The following CDH8 variants were observed in gnomAD, a reference collection of about 807,000 sequenced individuals.
The protein encoded by CDH8 is cadherin 8.
In CDH8, 17 loss-of-function variants were observed where a neutral mutation model predicts 68.1. That is an observed-to-expected ratio of 0.25 (90% CI 0.17 to 0.37). The LOEUF (loss-of-function observed/expected upper bound fraction) is 0.37. CDH8 is among the 10% of genes least tolerant of loss of function. The pLI is 1.00. For synonymous variants in CDH8, 372 were observed against 365.1 expected, an observed-to-expected ratio of 1.02 and a Z score of -0.21; for missense variants, 763 against 999.3, an observed-to-expected ratio of 0.76 and a Z score of 3.19.
At position 61,648,669 on chromosome 16, in the gene CDH8, A is replaced by T. The variant is rs1182929314; in HGVS notation, c.*4939T>A. 6.6e-6 allele frequency: 1 copy of T among 151,974 alleles called. No homozygotes were observed. Among genetic ancestry groups the T allele is most frequent in the Non-Finnish European group, 1.5e-5 (1 of 67,920 alleles). The allele number at this position is 151,974 out of a possible 1,614,324, so 9.4% of individuals were successfully genotyped here. A position where few individuals can be genotyped will look rare whatever the true frequency, so the allele number is the denominator to read the frequency against. Reference sequence around the variant, plus strand: ...GATTGATTAGGTACATTTTATAAATAAAGAAAATAAGTTTGAGAATGCTAC... The same window carrying T: ...GATTGATTAGGTACATTTTATAAATTAAGAAAATAAGTTTGAGAATGCTAC... On this transcript the variant is annotated 3_prime_UTR_variant, in exon 12 of 12. Transcript: ENST00000577390.
At chr16:61,660,742 G>T (rs527540979) in intron 10 of CDH8, among the ~76,000 whole-genome samples, 1 of 152,080 alleles carries the variant, frequency 6.6e-6, no homozygotes, top group East Asian at 1.9e-4. Flanking sequence ...AAACAATGAA[G>T]GCCAGACGGA....
At chr16:62,026,723 A>T (rs1902206469) in intron 1 of CDH8, among the ~76,000 whole-genome samples, 1 of 152,232 alleles carries the variant, frequency 6.6e-6, no homozygotes, top group Non-Finnish European at 1.5e-5. Context: ...GCATGCTATC[A>T]GGGAGAGTTG....
intron 2 of CDH8, among the ~76,000 whole-genome samples, chr16:61,972,565 A>T (rs2150577654): frequency 9.7e-6 from 1 of 103,032 alleles, no homozygotes; most frequent in African/African-American, 4.9e-5. Flanking sequence ...CTGGGAACAC[A>T]TTGTGGGTGT....
intron 2 of CDH8, among the ~76,000 whole-genome samples, chr16:61,903,980 G>A (rs1244700610): frequency 4.6e-5 from 7 of 151,162 alleles, no homozygotes; most frequent in Non-Finnish European, 7.4e-5. Flanking sequence ...AGGTATATAC[G>A]TCCTCTTTCT....
intron 4 of CDH8, among the ~76,000 whole-genome samples, chr16:61,850,145 T>C (rs1042743257): frequency 8.5e-5 from 13 of 152,166 alleles, no homozygotes; most frequent in African/African-American, 3.1e-4. Context: ...TCTACAAGCA[T>C]GACACCAGCA....
chr16:61,852,875 T>TTCCC (rs1345580361), intron 4 of CDH8, among the ~76,000 whole-genome samples: 1 of 134,768 alleles, frequency 7.4e-6, no homozygotes. Context: ...CCTTCCTTCC[T>TTCCC]TCCTTCCTTC....
Position 61,653,671 on chromosome 16 carries a change from C to T in CDH8, c.2337G>A (p.Trp779Ter). ...CGCCCAGTCTCTTAAAGCGGGGACC[C>T]CAGTCACTGAGGTAGTCAAAATTCT... ...SDQNFDYLSD[W>*]GPRFKRLGEL... The change falls in exon 12 of 12, where the codon TGG (tryptophan) becomes TGA (stop). Residue 779 changes from tryptophan (W) to a stop codon, truncating the protein, a stop_gained. Transcript: ENST00000577390. LOFTEE classifies it high-confidence loss of function. The T allele has an allele frequency of 6.2e-7, 1 of 1,613,940 alleles. No individual in the cohort carries two copies. Among genetic ancestry groups the T allele is most frequent in the Non-Finnish European group, 8.5e-7 (1 of 1,179,880 alleles).
chr16:61,854,004 ATATG>A (rs1205564124), intron 4 of CDH8, among the ~76,000 whole-genome samples: 3 of 152,004 alleles, frequency 2.0e-5, no homozygotes, highest in Admixed American at 6.6e-5. Context: ...ATGTATATAC[ATATG>A]TATGTGTGTA....
At chr16:61,942,004 C>T (rs192351122) in intron 2 of CDH8, among the ~76,000 whole-genome samples, 2 of 152,328 alleles carry the variant, frequency 1.3e-5, no homozygotes, top group East Asian at 3.9e-4. Flanking sequence ...CCTCTCTTCT[C>T]ACAAACACTA....
intron 10 of CDH8, chr16:61,692,012 C>G (rs145271571): frequency 6.6e-6 from 1 of 152,022 alleles, no homozygotes; most frequent in Admixed American, 6.6e-5. Context: ...CAGATGTAGC[C>G]TAAGGGTTGG....
At chr16:61,920,951 G>T (rs1438690683) in intron 2 of CDH8, among the ~76,000 whole-genome samples, 1 of 148,366 alleles carries the variant, frequency 6.7e-6, no homozygotes, top group Admixed American at 6.8e-5. Context: ...CATGTCCTTT[G>T]TAGGGACATG....
At chr16:61,971,124 C>A (rs958576479) in intron 2 of CDH8, among the ~76,000 whole-genome samples, 2 of 152,156 alleles carry the variant, frequency 1.3e-5, no homozygotes, top group Non-Finnish European at 2.9e-5. Context: ...TTAACTTCAC[C>A]GCCTATCCCA....
At chr16:61,981,681 TGCGC>T (rs1555526842) in intron 2 of CDH8, among the ~76,000 whole-genome samples, 9 of 141,858 alleles carry the variant, frequency 6.3e-5, no homozygotes, top group African/African-American at 2.5e-4. Context: ...TGTGTGTGTG[TGCGC>T]GCGCGCGCGT....
intron 7 of CDH8, among the ~76,000 whole-genome samples, 167 bp downstream of exon 7, chr16:61,817,312 C>CCACACACACA (rs3833039): frequency 9.4e-5 from 14 of 148,180 alleles, no homozygotes; most frequent in African/African-American, 3.0e-4. Context: ...CGTGTACACA[C>CCACACACACA]CACACACACA....
At chr16:61,858,774 G>A (rs1597022746) in intron 3 of CDH8, among the ~76,000 whole-genome samples, 1 of 152,162 alleles carries the variant, frequency 6.6e-6, no homozygotes, top group Admixed American at 6.5e-5. Context: ...TGCCCGTTGA[G>A]GAAATGGGCC....
Position 61,852,882 on chromosome 16 carries a change from C to T in CDH8, c.667+4237G>A, listed in dbSNP as rs947592491. 2.0e-4 allele frequency among the ~76,000 whole-genome samples: 27 copies of T among 136,986 alleles called. 1 individual carries two copies. The highest frequency in any genetic ancestry group is 1.4e-3 in the Admixed American group (19 of 13,648). 89.9% of individuals were successfully genotyped at this position (136,986 alleles called of 152,430 possible). On this transcript the variant is annotated intron_variant, in intron 4 of 11. Transcript: ENST00000577390. ...CCTTCCTTCCTTCCTTCCTTCCTTC[C>T]TTCCTTCCTTCCATTCTTCCTTCCT... is the stretch of plus-strand genomic sequence containing the variant.
rs770942940 is a variant in CDH8, at chr16:61,817,712, T to G, written c.1044A>C (p.Lys348Asn). The change falls in exon 7 of 12, where the codon AAA (lysine) becomes AAC (asparagine). Residue 348 changes from lysine (K) to asparagine (N), a missense_variant. This residue lies in a region of CDH8 where 366 missense variants were observed against 563.1 expected (regional missense o/e 0.65). Coordinates refer to ENST00000577390, the MANE Select transcript of CDH8 (RefSeq NM_001796.5). ...RLRKPLDFETKKSYTLKVEAA... is the reference protein window; with the variant it reads ...RLRKPLDFETNKSYTLKVEAA... ...CCTCTACCTTTAGCGTATAGGATTT[T>G]TTGGTCTCAAAGTCCAGAGGCTGTT... 1.1e-5 allele frequency: 17 copies of G among 1,575,906 alleles called. No individual in the cohort carries two copies. Among genetic ancestry groups the G allele is most frequent in the Admixed American group, 1.9e-5 (1 of 53,312 alleles).
At chr16:61,872,927 T>G (rs1227898782) in intron 3 of CDH8, among the ~76,000 whole-genome samples, 2 of 152,146 alleles carry the variant, frequency 1.3e-5, no homozygotes. Flanking sequence ...AAAGAAGTGT[T>G]AAGAAGTTAA....
Position 61,925,366 on chromosome 16 carries a change from C to T in CDH8, c.253-23893G>A, listed in dbSNP as rs567672096. Among the ~76,000 whole-genome samples the T allele has an allele frequency of 3.3e-5, 5 of 152,282 alleles. No homozygotes were observed. The South Asian group carries it at 8.3e-4, about 25-fold the overall frequency. ...ATGGCAATCAAGATACTCATTGTTT[C>T]TCCTTACCCCAGTTAAGAATTAATC... On this transcript the variant is annotated intron_variant, in intron 2 of 11. Coordinates refer to ENST00000577390, the MANE Select transcript of CDH8 (RefSeq NM_001796.5).
Sources: allele counts gnomAD v4.1 joint callset (sites outside exome capture counted in the v4.1 genomes callset), GRCh38; gene constraint gnomAD v4.1.1; regional missense constraint gnomAD v4.1.1; transcripts MANE v1.5; gene names NCBI Gene and HGNC (gene_info 2026-07-23, HGNC 2026-07-21).